The following MGAM variants were observed in gnomAD, a reference collection of about 807,000 sequenced individuals.
MGAM encodes the protein alpha-1,4-glucosidase.
MGAM carries 253 observed loss-of-function variants against 358.8 expected under a neutral mutation model. That is an observed-to-expected ratio of 0.71 (90% CI 0.64 to 0.78). The LOEUF (loss-of-function observed/expected upper bound fraction) is 0.78, where lower values mean the gene tolerates loss of function less well. Ranked by LOEUF, MGAM falls within the 30% of genes least tolerant of loss-of-function variation. MGAM has a pLI of 0.00. For missense variants in MGAM, 3,080 were observed against 3,432.6 expected, an observed-to-expected ratio of 0.90 and a Z score of 2.57; for synonymous variants, 1,105 against 1,227.1, an observed-to-expected ratio of 0.90 and a Z score of 2.08.
At position 142,083,384 on chromosome 7, in the gene MGAM, C is replaced by G; in HGVS notation, c.6352C>G (p.Pro2118Ala). 6.4e-7 allele frequency: 1 copy of G among 1,552,486 alleles called. No homozygotes were observed. The highest frequency in any genetic ancestry group is 8.8e-7 in the Non-Finnish European group (1 of 1,130,366). The change falls in exon 53 of 71, where the codon CCA becomes GCA. Residue 2118 changes from proline (P) to alanine (A), a missense_variant. Pro to Ala is a conservative substitution (Grantham distance 27, BLOSUM62 -1). This residue lies in a region of MGAM where 932 missense variants were observed against 1,198.2 expected (regional missense o/e 0.78). Transcript: ENST00000475668. ...CTTTTATGTGTTCTTGGGGCCAACT[C>G]CAGAGCTTGTCACCCAGCAGTACAC... is the stretch of plus-strand genomic sequence containing the variant. The part of the protein sequence containing the change: ...LDFYVFLGPT[P>A]ELVTQQYTEL...
At chr7:142,048,910 C>A (rs1810673503) in intron 22 of MGAM, among the ~76,000 whole-genome samples, 1 of 152,252 alleles carries the variant, frequency 6.6e-6, no homozygotes, top group South Asian at 2.1e-4. Context: ...ATTACCACAG[C>A]TATTTTAAGG....
rs376126429 is a variant in MGAM at position 142,044,045 on chromosome 7, TATAC to T, written c.2498+3202_2498+3205del. Among the ~76,000 whole-genome samples, 95 of 129,216 alleles carry T rather than the reference TATAC, an allele frequency of 7.4e-4. 1 individual carries two copies. The highest frequency in any genetic ancestry group is 1.7e-3 in the South Asian group (7 of 4,230). 84.8% of individuals were successfully genotyped at this position (129,216 alleles called of 152,430 possible). ...TTATATACACATACGACGTATAATATATACATTATATACACATACGACGTATAAT... is the reference window on the plus strand; with the variant it reads ...TTATATACACATACGACGTATAATATATTATATACACATACGACGTATAAT... On this transcript the variant is annotated intron_variant, in intron 21 of 70. Transcript: ENST00000475668.
chr7:142,065,213 C>T, intron 37 of MGAM, 122 bp from the exon 38 acceptor site: 1 of 1,343,892 alleles, frequency 7.4e-7, no homozygotes, highest in Non-Finnish European at 1.0e-6. Flanking sequence ...AGCTCAGAGT[C>T]CCATGTTCCC....
At position 142,094,579 on chromosome 7, in the gene MGAM, A is replaced by C. The variant is rs1563221374; in HGVS notation, c.7307-41A>C. ...GGAAGAGGTGAGGAGGCAGGTCGTGAGAGCGAGCCTGGTGTGACACAGCTG... is the reference window on the plus strand; with the variant it reads ...GGAAGAGGTGAGGAGGCAGGTCGTGCGAGCGAGCCTGGTGTGACACAGCTG... On this transcript the variant is annotated intron_variant, in intron 61 of 70. Coordinates refer to ENST00000475668, the MANE Select transcript of MGAM (RefSeq NM_001365693.1). 4 of 1,524,092 alleles carry C rather than the reference A, an allele frequency of 2.6e-6. No individual in the cohort carries two copies. The East Asian group carries it at 9.3e-5, about 35-fold the overall frequency. The allele number at this position is 1,524,092 out of a possible 1,614,324, so 94.4% of individuals were successfully genotyped here. A position where few individuals can be genotyped will look rare whatever the true frequency, so the allele number is the denominator to read the frequency against.
At chr7:142,042,050 A>AATAT (rs367917450) in intron 21 of MGAM, among the ~76,000 whole-genome samples, 5 of 60,250 alleles carry the variant, frequency 8.3e-5, no homozygotes, top group African/African-American at 1.7e-4. Flanking sequence ...TATAATATAT[A>AATAT]ATATATATAC....
At chr7:142,001,579 A>G (rs1008818557) in intron 1 of MGAM, among the ~76,000 whole-genome samples, 3 of 152,212 alleles carry the variant, frequency 2.0e-5, no homozygotes, top group Non-Finnish European at 2.9e-5. Context: ...TGGAGAAAGT[A>G]GGCCTTGTAT....
chr7:142,041,703 T>C (rs747327081), intron 21 of MGAM, among the ~76,000 whole-genome samples: 1 of 150,592 alleles, frequency 6.6e-6, no homozygotes, highest in Admixed American at 6.8e-5. Flanking sequence ...CATACGTATG[T>C]ATTTTACAAC....
In MGAM at chr7:142,072,899, C is replaced by T. The variant is rs1231094907; in HGVS notation, c.5187-1186C>T. 1.4e-5 allele frequency among the ~76,000 whole-genome samples: 2 copies of T among 146,480 alleles called. 1 individual carries two copies. Among genetic ancestry groups the T allele is most frequent in the Non-Finnish European group, 3.1e-5 (2 of 64,644 alleles). ...TGCCACATGGAGATTCTAGGTTTTG[C>T]TTACTAAGCACCCTTTGAGTTCTAG... is the stretch of plus-strand genomic sequence containing the variant. On this transcript the variant is annotated intron_variant, in intron 44 of 70. Transcript: ENST00000475668.
intron 2 of MGAM, among the ~76,000 whole-genome samples, chr7:142,006,145 G>A (rs192146019): frequency 1.3e-5 from 2 of 152,086 alleles, no homozygotes; most frequent in African/African-American, 4.8e-5. Flanking sequence ...AAGAACTGAG[G>A]GTCCTGGGAA....
chr7:142,063,732 A>C, intron 36 of MGAM, 146 bp downstream of exon 36: 1 of 970,424 alleles, frequency 1.0e-6, no homozygotes. Context: ...AAAGCTCTGC[A>C]CGTGCTTTAC....
In MGAM at chr7:142,084,046, A is replaced by C. The variant is rs1282300662; in HGVS notation, c.6382-473A>C. ...AACACTTATGTACTACCTACTGCAC[A>C]TCACTGATTTATTACTTGCTGCATG... On this transcript the variant is annotated intron_variant, in intron 53 of 70. Transcript: ENST00000475668. Among the ~76,000 whole-genome samples the C allele has an allele frequency of 1.4e-5, 2 of 146,292 alleles. 1 individual carries two copies. Among genetic ancestry groups the C allele is most frequent in the Non-Finnish European group, 3.1e-5 (2 of 64,620 alleles).
At chr7:142,059,742 A>G in intron 32 of MGAM, 114 bp from the exon 33 acceptor site, 1 of 1,565,766 alleles carries the variant, frequency 6.4e-7, no homozygotes. Context: ...ACTCACAGAA[A>G]CTCTACTGTG....
rs186402905 is a variant in MGAM, at chr7:141,990,723, C to T, written c.-2-14806C>T. On this transcript the variant is annotated intron_variant, in intron 2 of 5. Transcript: ENST00000465654. ...TACTTTAAGTTTTAGGGTACATGTG[C>T]ACAATGTGCAGGTTAGTTACATATG... Among the ~76,000 whole-genome samples, 56 of 151,976 alleles carry T rather than the reference C, an allele frequency of 3.7e-4. No homozygotes were observed. The East Asian group carries it at 0.01, about 28-fold the overall frequency.
chr7:142,095,871 C>T (rs778853536), intron 64 of MGAM, 158 bp downstream of exon 64: 79 of 1,131,900 alleles, frequency 7.0e-5, no homozygotes, highest in Non-Finnish European at 9.5e-5. Context: ...CAGTGCTATA[C>T]ATGCCTTAGG....
intron 27 of MGAM, 129 bp from the exon 28 acceptor site, chr7:142,055,429 T>C: frequency 1.8e-6 from 2 of 1,109,980 alleles, no homozygotes; most frequent in Non-Finnish European, 2.7e-6. Flanking sequence ...AAATTGAGTT[T>C]CAGTTTTGTT....
At chr7:142,050,113 C>A in intron 22 of MGAM, 122 bp from the exon 23 acceptor site, 1 of 836,726 alleles carries the variant, frequency 1.2e-6, no homozygotes, top group South Asian at 1.5e-5. Context: ...ATTATTCATC[C>A]ATAAGGAAAA....
At chr7:142,096,465 G>A (rs1423914832) in intron 65 of MGAM, 50 bp downstream of exon 65, 1 of 1,594,656 alleles carries the variant, frequency 6.3e-7, no homozygotes, top group Non-Finnish European at 8.6e-7. Flanking sequence ...GTGAGGCTTG[G>A]GGAAAAGGAC....
chr7:142,041,090 T>C (rs1808486489), intron 21 of MGAM, among the ~76,000 whole-genome samples: 1 of 152,110 alleles, frequency 6.6e-6, no homozygotes, highest in Admixed American at 6.6e-5. Flanking sequence ...GACTCACTTG[T>C]TCTCATTTCT....
At chr7:142,071,508 C>T (rs1034951784) in intron 44 of MGAM, among the ~76,000 whole-genome samples, 5 of 146,110 alleles carry the variant, frequency 3.4e-5, no homozygotes, top group Admixed American at 2.8e-4. Context: ...TTTTCAAACA[C>T]GCTAACAGCC....
Sources: allele counts gnomAD v4.1 joint callset (sites outside exome capture counted in the v4.1 genomes callset), GRCh38; gene constraint gnomAD v4.1.1; regional missense constraint gnomAD v4.1.1; transcripts MANE v1.5; gene names NCBI Gene and HGNC (gene_info 2026-07-23, HGNC 2026-07-21).